SH2D4B: variants seen among roughly 807,000 people sequenced by gnomAD.
SH2D4B encodes the protein SH2 domain containing 4B, also known as SH2 domain-containing protein 4B.
In SH2D4B, 45 loss-of-function variants were observed where a neutral mutation model predicts 61.5. The observed-to-expected ratio is 0.73, with a 90% CI of 0.58 to 0.94. The LOEUF is 0.94. Ranked by LOEUF, SH2D4B falls within the 40% of genes least tolerant of loss-of-function variation. SH2D4B has a pLI of 0.00. For missense variants in SH2D4B, 572 were observed against 574.2 expected, an observed-to-expected ratio of 1.00 and a Z score of 0.04; for synonymous variants, 224 against 220.4, an observed-to-expected ratio of 1.02 and a Z score of -0.14.
chr10:80,619,257 C>G (rs1267334678), intron 6 of SH2D4B, among the ~76,000 whole-genome samples: 1 of 152,208 alleles, frequency 6.6e-6, no homozygotes, highest in African/African-American at 2.4e-5. Context: ...CAAGCCTGGA[C>G]TTGTTTGTCA....
At chr10:80,553,375 C>T (rs1841787015) in intron 1 of SH2D4B, among the ~76,000 whole-genome samples, 1 of 152,184 alleles carries the variant, frequency 6.6e-6, no homozygotes, top group South Asian at 2.1e-4. Context: ...ACAGATTAAG[C>T]GATTTTGATC....
rs565965039 is a variant in SH2D4B, at chr10:80,635,636, G to A, written c.1209+1131G>A. On this transcript the variant is annotated intron_variant, in intron 7 of 7. Coordinates refer to ENST00000646907, the MANE Select transcript of SH2D4B (RefSeq NM_001388272.1). Reference sequence around the variant, plus strand: ...AACCAGGATCAAGGTTGATTTCTACGTGTTGGAAAGAGCCTTCTAACAGAG... The same window carrying A: ...AACCAGGATCAAGGTTGATTTCTACATGTTGGAAAGAGCCTTCTAACAGAG... Among the ~76,000 whole-genome samples the A allele has an allele frequency of 1.5e-4, 23 of 152,236 alleles. 1 individual carries two copies. In the South Asian group the frequency reaches 4.6e-3, roughly 30 times the overall value.
At chr10:80,638,975 G>A (rs1188102369) in intron 7 of SH2D4B, among the ~76,000 whole-genome samples, 1 of 152,122 alleles carries the variant, frequency 6.6e-6, no homozygotes, top group East Asian at 1.9e-4. Flanking sequence ...CAGAGATTCT[G>A]GTACGTTGTG....
intron 1 of SH2D4B, among the ~76,000 whole-genome samples, chr10:80,563,211 A>AT (rs1008248147): frequency 4.6e-5 from 7 of 152,068 alleles, no homozygotes; most frequent in African/African-American, 1.7e-4. Flanking sequence ...GATGCTGAAC[A>AT]TTTTTTCATA....
chr10:80,608,910 T>C (rs1228468254), intron 5 of SH2D4B, among the ~76,000 whole-genome samples: 1 of 152,044 alleles, frequency 6.6e-6, no homozygotes, highest in African/African-American at 2.4e-5. Context: ...AGGCGTCCCC[T>C]CAGAGGGCGG....
At chr10:80,542,637 C>G (rs1175880565) in intron 1 of SH2D4B, among the ~76,000 whole-genome samples, 1 of 151,978 alleles carries the variant, frequency 6.6e-6, no homozygotes, top group Non-Finnish European at 1.5e-5. Context: ...CTCAGGTAAT[C>G]CGCCCTCCTC....
At chr10:80,543,462 G>A (rs1333931314) in intron 1 of SH2D4B, among the ~76,000 whole-genome samples, 6 of 152,168 alleles carry the variant, frequency 3.9e-5, no homozygotes, top group Non-Finnish European at 7.4e-5. Flanking sequence ...CGCAGGGCTC[G>A]GGACCTGCAG....
intron 6 of SH2D4B, among the ~76,000 whole-genome samples, chr10:80,624,978 G>A (rs558286074): frequency 6.6e-6 from 1 of 152,290 alleles, no homozygotes; most frequent in Non-Finnish European, 1.5e-5. Context: ...GCCCTCACCT[G>A]TGTGCTTCTC....
rs1386811374 is a variant in SH2D4B at position 80,644,390 on chromosome 10, T to G, written c.*305T>G. ...GAGCTCTTACAGTGCGTGGACCATG[T>G]TTTAATAATCCAAAATAATTCCAGT... is the stretch of plus-strand genomic sequence containing the variant. On this transcript the variant is annotated 3_prime_UTR_variant, in exon 8 of 8. Transcript: ENST00000646907. The G allele has an allele frequency of 7.7e-6, 2 of 260,838 alleles. No individual in the cohort carries two copies. The highest frequency in any genetic ancestry group is 1.4e-5 in the Non-Finnish European group (2 of 139,062). 16.2% of individuals were successfully genotyped at this position (260,838 alleles called of 1,614,324 possible). A position where few individuals can be genotyped will look rare whatever the true frequency, so the allele number is the denominator to read the frequency against.
At chr10:80,542,098 A>G (rs984223299) in intron 1 of SH2D4B, among the ~76,000 whole-genome samples, 12 of 152,146 alleles carry the variant, frequency 7.9e-5, no homozygotes, top group African/African-American at 2.7e-4. Flanking sequence ...TATTGAGTAT[A>G]TTGAGACTCA....
chr10:80,593,236 G>A (rs1295880663), intron 4 of SH2D4B, among the ~76,000 whole-genome samples: 2 of 152,164 alleles, frequency 1.3e-5, no homozygotes, highest in Non-Finnish European at 2.9e-5. Context: ...TTGCAATAAA[G>A]GTAGCTGGAA....
chr10:80,567,687 C>T (rs928227378), intron 1 of SH2D4B, among the ~76,000 whole-genome samples: 1 of 152,184 alleles, frequency 6.6e-6, no homozygotes, highest in African/African-American at 2.4e-5. Flanking sequence ...AGGTCAGGAC[C>T]GCAAAGTTTC....
At chr10:80,575,326 T>G (rs570140601) in intron 3 of SH2D4B, among the ~76,000 whole-genome samples, 2 of 152,226 alleles carry the variant, frequency 1.3e-5, no homozygotes, top group South Asian at 4.2e-4. Flanking sequence ...GATGATGATA[T>G]TCTAACCCAG....
chr10:80,609,385 C>T (rs766886015), intron 5 of SH2D4B, 39 bp from the exon 6 acceptor site: 3 of 1,589,856 alleles, frequency 1.9e-6, no homozygotes, highest in South Asian at 1.1e-5. Flanking sequence ...CTTTCTCCCT[C>T]CCTGACTCTT....
At chr10:80,612,176 C>T (rs1165604879) in intron 6 of SH2D4B, among the ~76,000 whole-genome samples, 1 of 82,568 alleles carries the variant, frequency 1.2e-5, no homozygotes, top group Non-Finnish European at 2.3e-5. Context: ...ACCTCCCCCA[C>T]TCCTGCTTTT....
chr10:80,633,012 G>A (rs1842849938), intron 6 of SH2D4B, among the ~76,000 whole-genome samples: 1 of 151,894 alleles, frequency 6.6e-6, no homozygotes. Context: ...TCTTTAAAGG[G>A]TGCAGCATTT....
rs1380282285 is a variant in SH2D4B, at chr10:80,570,416, C to T, written c.347+100C>T. 4.3e-6 allele frequency: 6 copies of T among 1,404,910 alleles called. No individual in the cohort carries two copies. In the East Asian group the frequency reaches 1.4e-4, roughly 34 times the overall value. 87.0% of individuals were successfully genotyped at this position (1,404,910 alleles called of 1,614,324 possible). A position where few individuals can be genotyped will look rare whatever the true frequency, so the allele number is the denominator to read the frequency against. On this transcript the variant is annotated intron_variant, in intron 2 of 7. Transcript: ENST00000646907. ...TGTATTTTTAGTAGAGATGGAGTTC[C>T]ATCATGTTGGCCGGGCTGGTCTCAA...
At chr10:80,621,516 T>A (rs1227632353) in intron 6 of SH2D4B, among the ~76,000 whole-genome samples, 5 of 152,246 alleles carry the variant, frequency 3.3e-5, no homozygotes, top group Non-Finnish European at 7.3e-5. Flanking sequence ...TCAGTTTAAC[T>A]GTGATTTTCT....
chr10:80,561,439 CAATG>C (rs1841901107), intron 1 of SH2D4B, among the ~76,000 whole-genome samples: 1 of 152,120 alleles, frequency 6.6e-6, no homozygotes, highest in African/African-American at 2.4e-5. Context: ...CTGCTTGACT[CAATG>C]AACCAATATT....
Sources: allele counts gnomAD v4.1 joint callset (sites outside exome capture counted in the v4.1 genomes callset), GRCh38; gene constraint gnomAD v4.1.1; transcripts MANE v1.5; gene names NCBI Gene and HGNC (gene_info 2026-07-23, HGNC 2026-07-21).